KIF16B: variants seen among roughly 807,000 people sequenced by gnomAD.
The protein encoded by KIF16B is kinesin family member 16B.
KIF16B carries 98 observed loss-of-function variants against 156.3 expected under a neutral mutation model. That is an observed-to-expected ratio of 0.63 (90% CI 0.53 to 0.74). The LOEUF (loss-of-function observed/expected upper bound fraction) is 0.74, where lower values mean the gene tolerates loss of function less well. KIF16B is among the 30% of genes least tolerant of loss of function. The pLI, the probability that KIF16B is intolerant of heterozygous loss-of-function variation, is 0.00. For missense variants in KIF16B, 1,421 were observed against 1,606.5 expected, an observed-to-expected ratio of 0.88 and a Z score of 1.97; for synonymous variants, 564 against 583.7, an observed-to-expected ratio of 0.97 and a Z score of 0.49.
intron 22 of KIF16B, chr20:16,367,020 C>T: frequency 7.5e-7 from 1 of 1,339,656 alleles, no homozygotes. Flanking sequence ...TTTTAGAGGT[C>T]TGCATTTTTC....
intron 10 of KIF16B, among the ~76,000 whole-genome samples, chr20:16,501,129 T>C (rs1037717951): frequency 2.0e-5 from 3 of 152,188 alleles, no homozygotes; most frequent in African/African-American, 7.2e-5. Flanking sequence ...AATTATTCTA[T>C]GATTCTGGTA....
chr20:16,497,180 G>A (rs1277205280), intron 11 of KIF16B, among the ~76,000 whole-genome samples: 3 of 152,154 alleles, frequency 2.0e-5, no homozygotes, highest in African/African-American at 7.2e-5. Flanking sequence ...CAGAAACTAA[G>A]CACCTAACTA....
intron 15 of KIF16B, among the ~76,000 whole-genome samples, chr20:16,410,343 G>GTA (rs771101199): frequency 5.0e-4 from 74 of 148,308 alleles, no homozygotes; most frequent in African/African-American, 1.3e-3. Flanking sequence ...GTATGTGTGT[G>GTA]TATATATATA....
chr20:16,358,607 G>C (rs2064491330), intron 22 of KIF16B, among the ~76,000 whole-genome samples: 1 of 152,164 alleles, frequency 6.6e-6, no homozygotes, highest in Admixed American at 6.5e-5. Flanking sequence ...AACTACATGG[G>C]AGGGACCCAA....
intron 12 of KIF16B, among the ~76,000 whole-genome samples, chr20:16,478,338 G>A (rs933413743): frequency 2.6e-5 from 4 of 152,122 alleles, no homozygotes; most frequent in South Asian, 2.1e-4. Flanking sequence ...TAGACCAACC[G>A]GGCTGCAGGG....
At chr20:16,280,370 G>A (rs1170183542) in intron 25 of KIF16B, among the ~76,000 whole-genome samples, 1 of 152,200 alleles carries the variant, frequency 6.6e-6, no homozygotes, top group Non-Finnish European at 1.5e-5. Flanking sequence ...GGGGATGGAG[G>A]GAAGGAGGGG....
chr20:16,365,859 C>A (rs923133016), intron 22 of KIF16B, among the ~76,000 whole-genome samples: 3 of 152,082 alleles, frequency 2.0e-5, no homozygotes, highest in African/African-American at 7.2e-5. Flanking sequence ...CAGCTGCATC[C>A]AACGTCCACT....
chr20:16,563,591 T>G, intron 1 of KIF16B, among the ~76,000 whole-genome samples: 1 of 152,180 alleles, frequency 6.6e-6, no homozygotes, highest in East Asian at 1.9e-4. Context: ...ACCAAACTGC[T>G]ATATATCACA....
At position 16,273,202 on chromosome 20, in the gene KIF16B, C is replaced by G; in HGVS notation, c.*51G>C. 6.6e-7 allele frequency: 1 copy of G among 1,526,456 alleles called. No homozygotes were observed. Among genetic ancestry groups the G allele is most frequent in the Non-Finnish European group, 9.1e-7 (1 of 1,103,910 alleles). The allele number at this position is 1,526,456 out of a possible 1,614,324, so 94.6% of individuals were successfully genotyped here. Reference sequence around the variant, plus strand: ...TGGGGGAGCTGCCCTGCATCGGAGCCCGCTTCGACGAGAAGGCACTGCTGT... The same window carrying G: ...TGGGGGAGCTGCCCTGCATCGGAGCGCGCTTCGACGAGAAGGCACTGCTGT... On this transcript the variant is annotated 3_prime_UTR_variant, in exon 26 of 26. Coordinates refer to ENST00000354981, the MANE Select transcript of KIF16B (RefSeq NM_024704.5).
At chr20:16,274,870 T>C (rs1012458175) in intron 25 of KIF16B, among the ~76,000 whole-genome samples, 6 of 152,190 alleles carry the variant, frequency 3.9e-5, no homozygotes, top group African/African-American at 9.7e-5. Context: ...CCTCTATGAA[T>C]TGCCAACCTG....
intron 1 of KIF16B, among the ~76,000 whole-genome samples, chr20:16,540,357 AT>A (rs202213218): frequency 0.023 from 3,527 of 152,302 alleles, 50 homozygotes; most frequent in Middle Eastern, 0.079. Flanking sequence ...CACTGTTGGA[AT>A]TCATTTTAGC....
chr20:16,494,456 T>C (rs1282430657), intron 11 of KIF16B, 106 bp from the exon 12 acceptor site: 4 of 673,218 alleles, frequency 5.9e-6, no homozygotes, highest in Admixed American at 3.6e-5. Flanking sequence ...TATAATTTTT[T>C]AAATGAGATC....
At chr20:16,340,225 T>C (rs2064116597) in intron 23 of KIF16B, among the ~76,000 whole-genome samples, 1 of 152,160 alleles carries the variant, frequency 6.6e-6, no homozygotes, top group African/African-American at 2.4e-5. Flanking sequence ...CATGACTAGC[T>C]CCCTCATTTC....
intron 1 of KIF16B, among the ~76,000 whole-genome samples, chr20:16,534,878 T>C (rs1192165843): frequency 6.6e-6 from 1 of 152,228 alleles, no homozygotes; most frequent in Admixed American, 6.5e-5. Flanking sequence ...ATAATACCAA[T>C]ACCATGCTGT....
At chr20:16,427,861 T>G (rs536401506) in intron 14 of KIF16B, among the ~76,000 whole-genome samples, 2 of 152,314 alleles carry the variant, frequency 1.3e-5, no homozygotes, top group East Asian at 3.9e-4. Context: ...CCTAGATTCT[T>G]GTTTGAAGAA....
At chr20:16,303,266 T>C (rs1217294038) in intron 25 of KIF16B, among the ~76,000 whole-genome samples, 2 of 152,254 alleles carry the variant, frequency 1.3e-5, no homozygotes, top group Admixed American at 1.3e-4. Context: ...AGTCATTACG[T>C]AGCAGAGCAG....
chr20:16,515,467 C>A (rs1305536791), intron 4 of KIF16B, 81 bp downstream of exon 4: 6 of 762,744 alleles, frequency 7.9e-6, no homozygotes, highest in Non-Finnish European at 1.1e-5. Context: ...TAGTACAGAC[C>A]AAATAGATAA....
intron 17 of KIF16B, among the ~76,000 whole-genome samples, chr20:16,388,460 T>C (rs571673461): frequency 6.6e-6 from 1 of 152,224 alleles, no homozygotes; most frequent in Non-Finnish European, 1.5e-5. Context: ...TTCATTATCT[T>C]ACTTTACTGG....
chr20:16,310,902 A>G (rs1475103926), intron 25 of KIF16B, among the ~76,000 whole-genome samples: 3 of 152,150 alleles, frequency 2.0e-5, no homozygotes, highest in Non-Finnish European at 4.4e-5. Flanking sequence ...TATATTCAAT[A>G]TCTCAAAACT....
Sources: allele counts gnomAD v4.1 joint callset (sites outside exome capture counted in the v4.1 genomes callset), GRCh38; gene constraint gnomAD v4.1.1; transcripts MANE v1.5; gene names NCBI Gene and HGNC (gene_info 2026-07-23, HGNC 2026-07-21).